Variants in IGF2BP3 observed in about 807,000 individuals in gnomAD.
IGF2BP3 encodes the protein insulin like growth factor 2 mRNA binding protein 3.
In IGF2BP3, 9 loss-of-function variants were observed where a neutral mutation model predicts 73.8. The ratio of observed to expected loss-of-function variants is 0.12; its 90% CI spans 0.07 to 0.21. The LOEUF is 0.21. Among genes scored for constraint, IGF2BP3 ranks in the 10% least tolerant of loss-of-function variants. The probability of loss-of-function intolerance (pLI) is 1.00; values close to 1 mark genes in which losing one functional copy is unlikely to be tolerated. For missense variants in IGF2BP3, 542 were observed against 714.0 expected (o/e 0.76, Z 2.75); for synonymous variants, 258 against 256.7 (o/e 1.01, Z -0.05).
chr7:23,428,914 CA>C (rs1787596705), intron 2 of IGF2BP3, among the ~76,000 whole-genome samples: 1 of 152,100 alleles, frequency 6.6e-6, no homozygotes, highest in Non-Finnish European at 1.5e-5. Context: ...CTTTGGCCAG[CA>C]AAACGGCTTC....
intron 1 of IGF2BP3, 32 bp from the exon 2 acceptor site, chr7:23,468,574 C>G: frequency 6.2e-7 from 1 of 1,609,592 alleles, no homozygotes; most frequent in Non-Finnish European, 8.5e-7. Context: ...GACGGTCGGC[C>G]GAGTTCAGCG....
At chr7:23,413,730 A>G (rs1187323722) in intron 3 of IGF2BP3, 1 of 152,142 alleles carries the variant, frequency 6.6e-6, no homozygotes, top group Non-Finnish European at 1.5e-5. Context: ...CTGTGGAGGA[A>G]TCCTTCCAGT....
At chr7:23,399,406 T>A (rs1786588622) in intron 3 of IGF2BP3, among the ~76,000 whole-genome samples, 1 of 136,222 alleles carries the variant, frequency 7.3e-6, no homozygotes, top group African/African-American at 2.6e-5. Flanking sequence ...AAAATTAAAT[T>A]AAATTAAAAA....
At chr7:23,321,602 G>A (rs1019900104) in intron 10 of IGF2BP3, among the ~76,000 whole-genome samples, 4 of 152,220 alleles carry the variant, frequency 2.6e-5, no homozygotes, top group Non-Finnish European at 5.9e-5. Flanking sequence ...GCCTCTGTAG[G>A]CTCCACCTCT....
At chr7:23,464,960 CTG>C (rs1437604434) in intron 2 of IGF2BP3, among the ~76,000 whole-genome samples, 1 of 152,114 alleles carries the variant, frequency 6.6e-6, no homozygotes, top group African/African-American at 2.4e-5. Context: ...TTCTAAAAAA[CTG>C]AACATATGAA....
intron 3 of IGF2BP3, among the ~76,000 whole-genome samples, chr7:23,366,602 A>G (rs1230370982): frequency 6.6e-6 from 1 of 151,766 alleles, no homozygotes; most frequent in Non-Finnish European, 1.5e-5. Context: ...TCTAATCCTT[A>G]GAAGAAATAG....
intron 3 of IGF2BP3, among the ~76,000 whole-genome samples, chr7:23,371,244 T>C (rs1485132255): frequency 6.6e-6 from 1 of 151,998 alleles, no homozygotes; most frequent in East Asian, 1.9e-4. Context: ...TCACCTTGAC[T>C]ACTACTCATT....
intron 3 of IGF2BP3, chr7:23,402,482 A>G (rs1252229142): frequency 1.3e-5 from 2 of 152,208 alleles, no homozygotes; most frequent in Non-Finnish European, 2.9e-5. Context: ...TATGCAAAAC[A>G]AAGGAGGTGA....
At chr7:23,325,809 G>C (rs1020072717) in intron 10 of IGF2BP3, among the ~76,000 whole-genome samples, 5 of 152,182 alleles carry the variant, frequency 3.3e-5, no homozygotes, top group African/African-American at 4.8e-5. Flanking sequence ...ACAAACCTGA[G>C]AAAAACAAGC....
intron 3 of IGF2BP3, among the ~76,000 whole-genome samples, chr7:23,378,358 C>CAAA (rs397955498): frequency 0.061 from 7,542 of 123,568 alleles, 843 homozygotes; most frequent in African/African-American, 0.24. Context: ...AGATAGTTTT[C>CAAA]AAAAAAAAAA....
At chr7:23,407,312 G>GAA (rs1357095069) in intron 3 of IGF2BP3, among the ~76,000 whole-genome samples, 2 of 134,868 alleles carry the variant, frequency 1.5e-5, no homozygotes, top group Admixed American at 7.5e-5. Context: ...TTGAGCATAA[G>GAA]AAAAAAAAAA....
intron 3 of IGF2BP3, among the ~76,000 whole-genome samples, chr7:23,408,786 A>C (rs184661635): frequency 1.3e-5 from 2 of 152,354 alleles, no homozygotes; most frequent in Admixed American, 1.3e-4. Context: ...CACAATAGCC[A>C]AAAGGTAGAA....
At chr7:23,460,107 CCTGTAGGT>C (rs1788409761) in intron 2 of IGF2BP3, among the ~76,000 whole-genome samples, 11 of 63,668 alleles carry the variant, frequency 1.7e-4, no homozygotes, top group Non-Finnish European at 3.8e-4. Flanking sequence ...GAGGCATGTG[CCTGTAGGT>C]GCCTGTAGTC....
chr7:23,393,286 C>T (rs750710487), intron 3 of IGF2BP3, among the ~76,000 whole-genome samples: 2 of 152,154 alleles, frequency 1.3e-5, no homozygotes, highest in Non-Finnish European at 1.5e-5. Flanking sequence ...AGCCTCCCTC[C>T]CATACATACC....
At chr7:23,321,990 A>C (rs1784167940) in intron 10 of IGF2BP3, among the ~76,000 whole-genome samples, 1 of 152,182 alleles carries the variant, frequency 6.6e-6, no homozygotes, top group Non-Finnish European at 1.5e-5. Flanking sequence ...GAGCAAAAAA[A>C]CTGGAAACTC....
intron 3 of IGF2BP3, chr7:23,414,116 C>A (rs1391707443): frequency 2.0e-5 from 3 of 151,952 alleles, no homozygotes; most frequent in African/African-American, 7.2e-5. Context: ...TGCCACTGCA[C>A]TCCAACCTGG....
chr7:23,400,207 T>C (rs1489071308), intron 3 of IGF2BP3, among the ~76,000 whole-genome samples: 2 of 152,260 alleles, frequency 1.3e-5, no homozygotes, highest in Non-Finnish European at 2.9e-5. Flanking sequence ...TATTACTTTT[T>C]GCTGATCACA....
chr7:23,441,574 T>TAAAAAAAAAAAAAAAAAAAAAAAAAAA (rs769391858), intron 2 of IGF2BP3, among the ~76,000 whole-genome samples: 1 of 56,948 alleles, frequency 1.8e-5, no homozygotes, highest in Non-Finnish European at 3.2e-5. Flanking sequence ...CTCCATCTCT[T>TAAAAAAAAAAAAAAAAAAAAAAAAAAA]AAAAAAAAAA....
intron 1 of IGF2BP3, 129 bp from the exon 2 acceptor site, chr7:23,468,671 C>A: frequency 1.2e-6 from 1 of 867,900 alleles, no homozygotes; most frequent in South Asian, 1.5e-5. Context: ...GGCCCGGACG[C>A]GGCTCCAGGC....
Sources: gnomAD v4.1 joint callset for allele counts (sites outside exome capture counted in the v4.1 genomes callset) on GRCh38, gnomAD v4.1.1 for gene constraint, MANE v1.5 for transcripts, NCBI Gene and HGNC (gene_info 2026-07-23, HGNC 2026-07-21) for gene names.